Variants in ITFG1 observed in about 807,000 individuals in gnomAD.
ITFG1 encodes T-cell immunomodulatory protein.
A neutral mutation model predicts 81.8 loss-of-function variants in ITFG1; 34 were observed. The ratio of observed to expected loss-of-function variants is 0.42; its 90% CI spans 0.32 to 0.55. The LOEUF is 0.55. ITFG1 is among the 20% of genes least tolerant of loss of function. The pLI is 0.17. For missense variants in ITFG1, 672 were observed against 755.4 expected (o/e 0.89, Z 1.29); for synonymous variants, 285 against 270.6 (o/e 1.05, Z -0.52).
At chr16:47,298,044 A>T (rs1435375534) in intron 10 of ITFG1, among the ~76,000 whole-genome samples, 1 of 151,916 alleles carries the variant, frequency 6.6e-6, no homozygotes, top group Non-Finnish European at 1.5e-5. Context: ...TGACTCTATT[A>T]ATTTAAAAGA....
intron 10 of ITFG1, among the ~76,000 whole-genome samples, chr16:47,300,337 G>A (rs1181089100): frequency 6.6e-5 from 10 of 152,138 alleles, no homozygotes. Context: ...GAAGTATGAG[G>A]TGTGCTTGAA....
intron 17 of ITFG1, chr16:47,157,610 T>A (rs1265875720): frequency 6.6e-6 from 1 of 152,196 alleles, no homozygotes; most frequent in Non-Finnish European, 1.5e-5. Context: ...ACCAAGTATG[T>A]ATGGTTGTCC....
At chr16:47,178,613 C>T (rs1965059295) in intron 14 of ITFG1, among the ~76,000 whole-genome samples, 1 of 152,004 alleles carries the variant, frequency 6.6e-6, no homozygotes, top group African/African-American at 2.4e-5. Context: ...GACCTAAAAC[C>T]ATAAAAACCC....
chr16:47,423,657 G>A (rs765192320), intron 6 of ITFG1, among the ~76,000 whole-genome samples: 1 of 152,128 alleles, frequency 6.6e-6, no homozygotes, highest in Non-Finnish European at 1.5e-5. Flanking sequence ...GCATTTGCTT[G>A]TCTGTAAAGG....
intron 14 of ITFG1, among the ~76,000 whole-genome samples, chr16:47,168,377 A>T (rs1361672545): frequency 1.3e-5 from 2 of 152,002 alleles, no homozygotes; most frequent in African/African-American, 4.8e-5. Flanking sequence ...TGAAAAGAAA[A>T]AAGACTTTTC....
intron 5 of ITFG1, among the ~76,000 whole-genome samples, chr16:47,431,779 T>G (rs1969099018): frequency 6.6e-6 from 1 of 152,188 alleles, no homozygotes; most frequent in Admixed American, 6.5e-5. Context: ...TCAGTTTCCA[T>G]TAATATTAAC....
intron 6 of ITFG1, among the ~76,000 whole-genome samples, chr16:47,403,795 C>CAT (rs1968693382): frequency 6.6e-6 from 1 of 151,354 alleles, no homozygotes; most frequent in South Asian, 2.1e-4. Flanking sequence ...CACACACACA[C>CAT]ACACACACAC....
At chr16:47,239,796 A>G (rs1965913468) in intron 12 of ITFG1, among the ~76,000 whole-genome samples, 1 of 152,186 alleles carries the variant, frequency 6.6e-6, no homozygotes, top group Non-Finnish European at 1.5e-5. Context: ...AAGTTTAGGT[A>G]GATATTGGTA....
chr16:47,447,054 G>C (rs1969333462), intron 5 of ITFG1, among the ~76,000 whole-genome samples: 1 of 151,998 alleles, frequency 6.6e-6, no homozygotes, highest in Non-Finnish European at 1.5e-5. Flanking sequence ...TGTATGTAGA[G>C]ATGGGGTCTC....
At chr16:47,257,004 A>C (rs1190148985) in intron 12 of ITFG1, among the ~76,000 whole-genome samples, 1 of 152,234 alleles carries the variant, frequency 6.6e-6, no homozygotes, top group Non-Finnish European at 1.5e-5. Context: ...GAACCTCTTT[A>C]ATATGATACA....
chr16:47,354,409 A>C (rs1229153803), intron 8 of ITFG1, among the ~76,000 whole-genome samples: 1 of 152,090 alleles, frequency 6.6e-6, no homozygotes, highest in East Asian at 1.9e-4. Context: ...AATTCAAAAT[A>C]GGTTAAAGCC....
intron 14 of ITFG1, among the ~76,000 whole-genome samples, chr16:47,203,939 C>T (rs1461923795): frequency 6.6e-6 from 1 of 152,096 alleles, no homozygotes; most frequent in African/African-American, 2.4e-5. Flanking sequence ...GTGAAGTGCT[C>T]TGGAGAGTAA....
At chr16:47,433,023 T>C (rs956173232) in intron 5 of ITFG1, among the ~76,000 whole-genome samples, 2 of 152,252 alleles carry the variant, frequency 1.3e-5, no homozygotes, top group African/African-American at 2.4e-5. Flanking sequence ...ATGAGGTTGA[T>C]CACGTGGCTC....
chr16:47,316,640 G>C (rs990022862), intron 8 of ITFG1, among the ~76,000 whole-genome samples: 10 of 152,204 alleles, frequency 6.6e-5, no homozygotes, highest in African/African-American at 1.7e-4. Flanking sequence ...ATTGCATAAA[G>C]CTGTTACTTA....
Position 47,162,581 on chromosome 16 carries a change from C to A in ITFG1, c.1537G>T (p.Asp513Tyr), listed in dbSNP as rs1964825104. ...CGGGGAATACCAACGTAGAGATGGT[C>A]AAGAAAATTTGCGCTCCGACCTAAA... The part of the protein sequence containing the change: ...LGLGRSANFL[D>Y]HLYVGIPRPS... The change falls in exon 15 of 18, where the codon GAC (aspartate) becomes TAC (tyrosine). Residue 513 changes from aspartate to tyrosine, a missense_variant. Asp to Tyr is a radical substitution (Grantham distance 160, BLOSUM62 -3). Transcript: ENST00000320640. The A allele has an allele frequency of 1.2e-6, 2 of 1,612,162 alleles. No homozygotes were observed. The highest frequency in any genetic ancestry group is 2.2e-5 in the South Asian group (2 of 90,828).
At chr16:47,326,759 A>C (rs1967551392) in intron 8 of ITFG1, among the ~76,000 whole-genome samples, 1 of 152,212 alleles carries the variant, frequency 6.6e-6, no homozygotes, top group South Asian at 2.1e-4. Flanking sequence ...TAGGAATCCA[A>C]CTTACAAAGG....
chr16:47,192,152 C>G (rs1419154537), intron 14 of ITFG1, among the ~76,000 whole-genome samples: 1 of 152,204 alleles, frequency 6.6e-6, no homozygotes, highest in African/African-American at 2.4e-5. Context: ...CTTCTACTTG[C>G]TTTATCCATT....
chr16:47,351,047 G>C (rs1050968449), intron 8 of ITFG1, among the ~76,000 whole-genome samples: 1 of 152,190 alleles, frequency 6.6e-6, no homozygotes. Flanking sequence ...ACTAGGTATT[G>C]ATGGGATGTA....
chr16:47,359,730 T>C (rs147457807), intron 8 of ITFG1, among the ~76,000 whole-genome samples: 75 of 152,356 alleles, frequency 4.9e-4, no homozygotes, highest in African/African-American at 1.7e-3. Flanking sequence ...TCTTCACTTA[T>C]GTGTTCCGTC....
Sources: allele counts gnomAD v4.1 joint callset (sites outside exome capture counted in the v4.1 genomes callset), GRCh38; gene constraint gnomAD v4.1.1; transcripts MANE v1.5; gene names NCBI Gene and HGNC (gene_info 2026-07-23, HGNC 2026-07-21).